STPG2: variants seen among roughly 807,000 people sequenced by gnomAD.
The protein encoded by STPG2 is sperm-tail PG-rich repeat-containing protein 2.
Under a neutral mutation model 54.2 loss-of-function variants are expected in STPG2, and 56 were observed. That is an observed-to-expected ratio of 1.03 (90% CI 0.83 to 1.29). The LOEUF is 1.29. Among genes scored for constraint, STPG2 ranks in the 50% most tolerant of loss-of-function variants. The probability of loss-of-function intolerance (pLI) is 0.00; values close to 1 mark genes in which losing one functional copy is unlikely to be tolerated. For missense variants in STPG2, 596 were observed against 544.9 expected, an observed-to-expected ratio of 1.09 and a Z score of -0.93; for synonymous variants, 200 against 181.8, an observed-to-expected ratio of 1.10 and a Z score of -0.81.
intron 8 of STPG2, among the ~76,000 whole-genome samples, chr4:97,936,296 A>C (rs1732742609): frequency 6.6e-6 from 1 of 152,088 alleles, no homozygotes; most frequent in Admixed American, 6.6e-5. Flanking sequence ...GTGTCTCTTG[A>C]ATACAGCACA....
chr4:97,955,197 G>C, intron 7 of STPG2, among the ~76,000 whole-genome samples: 1 of 149,742 alleles, frequency 6.7e-6, no homozygotes, highest in Non-Finnish European at 1.5e-5. Context: ...AGCAAAAAAA[G>C]TTGTAATACA....
At position 98,059,540 on chromosome 4, in the gene STPG2, C is replaced by G. The variant is rs541835721; in HGVS notation, c.612+46413G>C. Among the ~76,000 whole-genome samples, 5 of 151,588 alleles carry G rather than the reference C, an allele frequency of 3.3e-5. No homozygotes were observed. In the South Asian group the frequency reaches 8.3e-4, roughly 25 times the overall value. ...AAATATTGAGGAAAGACTCCTCCCC[C>G]AAATCATTCTATGAGGCCAATATCA... On this transcript the variant is annotated intron_variant, in intron 5 of 10. Coordinates refer to ENST00000295268, the MANE Select transcript of STPG2 (RefSeq NM_174952.3).
At chr4:97,810,103 TTGG>T in intron 9 of STPG2, among the ~76,000 whole-genome samples, 1 of 152,310 alleles carries the variant, frequency 6.6e-6, no homozygotes, top group Non-Finnish European at 1.5e-5. Context: ...AATATCATAG[TTGG>T]TGAATTAACA....
intron 4 of STPG2, among the ~76,000 whole-genome samples, chr4:97,454,752 T>C (rs1729473104): frequency 6.6e-6 from 1 of 152,002 alleles, no homozygotes; most frequent in African/African-American, 2.4e-5. Flanking sequence ...TAGGAATATA[T>C]CATGACTATG....
intron 7 of STPG2, among the ~76,000 whole-genome samples, chr4:97,964,167 G>T (rs1261290746): frequency 6.6e-6 from 1 of 152,120 alleles, no homozygotes; most frequent in Non-Finnish European, 1.5e-5. Flanking sequence ...ATTCCTCATG[G>T]CATAACAAAC....
chr4:97,552,935 A>G (rs1731997432), intron 4 of STPG2, among the ~76,000 whole-genome samples: 1 of 152,170 alleles, frequency 6.6e-6, no homozygotes, highest in Non-Finnish European at 1.5e-5. Context: ...TTTGTTTTAA[A>G]GCAAATCAAA....
At chr4:98,026,275 A>T (rs1387909407) in intron 5 of STPG2, 1 of 768,538 alleles carries the variant, frequency 1.3e-6, no homozygotes, top group African/African-American at 1.8e-5. Flanking sequence ...TAAACCAAAC[A>T]ATTTTCTATG....
At chr4:98,021,672 C>T (rs1008210376) in intron 5 of STPG2, among the ~76,000 whole-genome samples, 1 of 150,464 alleles carries the variant, frequency 6.6e-6, no homozygotes, top group Non-Finnish European at 1.5e-5. Flanking sequence ...GTAGGTCACT[C>T]AGGACTTGCT....
chr4:97,542,841 A>G (rs1055665818), intron 4 of STPG2, among the ~76,000 whole-genome samples: 8 of 152,104 alleles, frequency 5.3e-5, no homozygotes, highest in African/African-American at 1.9e-4. Flanking sequence ...GAAGCTGGAA[A>G]CCATCATTCT....
At chr4:97,839,019 G>T (rs1444106324) in intron 9 of STPG2, among the ~76,000 whole-genome samples, 1 of 151,498 alleles carries the variant, frequency 6.6e-6, no homozygotes, top group Non-Finnish European at 1.5e-5. Context: ...CTCTGCAGTT[G>T]TACAGTGACT....
At chr4:97,692,497 GAA>G (rs1723403823) in intron 10 of STPG2, among the ~76,000 whole-genome samples, 1 of 151,916 alleles carries the variant, frequency 6.6e-6, no homozygotes, top group Admixed American at 6.6e-5. Context: ...AAACAACAAA[GAA>G]AAAATAATTT....
intron 8 of STPG2, among the ~76,000 whole-genome samples, chr4:97,844,950 G>C (rs1477924214): frequency 6.6e-6 from 1 of 151,730 alleles, no homozygotes; most frequent in Non-Finnish European, 1.5e-5. Flanking sequence ...CAAATCTCCT[G>C]AGTCAAGTTA....
At chr4:97,983,890 T>C (rs536742373) in intron 5 of STPG2, among the ~76,000 whole-genome samples, 5 of 152,330 alleles carry the variant, frequency 3.3e-5, no homozygotes, top group Admixed American at 2.0e-4. Context: ...TGTGCACATA[T>C]ATATGCATAT....
At position 97,566,734 on chromosome 4, in the gene STPG2, G is replaced by A. The variant is rs555470864; in HGVS notation, c.1321-7617C>T. On this transcript the variant is annotated intron_variant, in intron 10 of 10. Transcript: ENST00000295268. ...ATGATGAGTTCATGTCCTTTGTAGG[G>A]ACATGGATGAAATTGGAAATCATCA... 2.6e-5 allele frequency among the ~76,000 whole-genome samples: 4 copies of A among 152,008 alleles called. No homozygotes were observed. In the East Asian group the frequency reaches 7.7e-4, roughly 29 times the overall value.
rs999997877 is a variant in STPG2, at chr4:97,658,330, A to G, written c.1320+54369T>C. Among the ~76,000 whole-genome samples the G allele has an allele frequency of 1.3e-4, 20 of 152,220 alleles. 1 individual carries two copies. The highest frequency in any genetic ancestry group is 2.9e-5 in the Non-Finnish European group (2 of 68,024). On this transcript the variant is annotated intron_variant, in intron 10 of 10. Transcript: ENST00000295268. Reference sequence around the variant, plus strand: ...GAATCACTAGTAACTTTACAACACTAGCTCCAAATATATTAAGTTCAATTG... The same window carrying G: ...GAATCACTAGTAACTTTACAACACTGGCTCCAAATATATTAAGTTCAATTG...
intron 9 of STPG2, among the ~76,000 whole-genome samples, chr4:97,758,137 G>A (rs1163344441): frequency 1.3e-5 from 2 of 152,106 alleles, no homozygotes; most frequent in South Asian, 2.1e-4. Flanking sequence ...GGTATTTCAG[G>A]AAAAATAATT....
intron 8 of STPG2, among the ~76,000 whole-genome samples, chr4:97,852,990 T>C (rs1729215414): frequency 7.2e-6 from 1 of 139,766 alleles, no homozygotes. Flanking sequence ...TTTTTTTTTT[T>C]TTTTGAGACA....
At chr4:97,661,149 T>G (rs1274465466) in intron 10 of STPG2, among the ~76,000 whole-genome samples, 4 of 152,130 alleles carry the variant, frequency 2.6e-5, no homozygotes, top group African/African-American at 9.7e-5. Flanking sequence ...AATACAGTAA[T>G]GATTCCGTGG....
chr4:97,536,683 A>G (rs1436227578), intron 4 of STPG2, among the ~76,000 whole-genome samples: 1 of 152,188 alleles, frequency 6.6e-6, no homozygotes, highest in African/African-American at 2.4e-5. Context: ...TTTTATTCTA[A>G]TCTGTAGCTT....
Sources: gnomAD v4.1 joint callset for allele counts (sites outside exome capture counted in the v4.1 genomes callset) on GRCh38, gnomAD v4.1.1 for gene constraint, MANE v1.5 for transcripts, NCBI Gene and HGNC (gene_info 2026-07-23, HGNC 2026-07-21) for gene names.